TJP1: variants seen among roughly 807,000 people sequenced by gnomAD.
TJP1 encodes the protein tight junction protein ZO-1.
Under a neutral mutation model 194.2 loss-of-function variants are expected in TJP1, and 43 were observed. That is an observed-to-expected ratio of 0.22 (90% confidence interval 0.17 to 0.29). The LOEUF (loss-of-function observed/expected upper bound fraction) is 0.29. TJP1 is among the 10% of genes least tolerant of loss of function. TJP1 has a pLI of 1.00. For synonymous variants in TJP1, 801 were observed against 779.0 expected, an observed-to-expected ratio of 1.03 and a Z score of -0.47; for missense variants, 1,971 against 2,185.7, an observed-to-expected ratio of 0.90 and a Z score of 1.96.
chr15:29,968,522 G>T, intron 1 of TJP1: 1 of 808,912 alleles, frequency 1.2e-6, no homozygotes, highest in Non-Finnish European at 1.5e-6. Context: ...GCCCCGCGCG[G>T]CGCGCCCCGC....
In TJP1 at chr15:29,761,619, T is replaced by C. The variant is rs528917489; in HGVS notation, c.844A>G (p.Asn282Asp). Residue 282 changes from asparagine (N) to aspartate (D), a missense_variant, in exon 7 of 28, where the codon AAT becomes GAT. By Grantham distance (23) the Asn-to-Asp change is conservative (BLOSUM62 1). Transcript: ENST00000614355. The stretch of plus-strand genomic sequence containing the variant: ...CACTCACCGTCTCTCTCAGAGGCAT[T>C]AGCAGAGTGGATGCTGTCAGAAAGA... The part of the protein sequence containing the change: ...PDLSDSIHSA[N>D]ASERDDISEI... 6.2e-7 allele frequency: 1 copy of C among 1,604,482 alleles called. No homozygotes were observed. Among genetic ancestry groups the C allele is most frequent in the Non-Finnish European group, 8.5e-7 (1 of 1,172,338 alleles).
intron 20 of TJP1, 29 bp downstream of exon 20, chr15:29,719,748 A>C (rs1408284662): frequency 1.9e-6 from 3 of 1,589,734 alleles, no homozygotes; most frequent in Non-Finnish European, 2.6e-6. Flanking sequence ...GGACAGCAAC[A>C]AATTAGTGCA....
chr15:29,914,881 C>T (rs544297341), intron 2 of TJP1, among the ~76,000 whole-genome samples: 10 of 152,120 alleles, frequency 6.6e-5, no homozygotes, highest in African/African-American at 1.7e-4. Flanking sequence ...CACACACGCA[C>T]GCACACACAT....
chr15:29,813,445 C>T (rs2049674988), intron 1 of TJP1, among the ~76,000 whole-genome samples: 1 of 152,102 alleles, frequency 6.6e-6, no homozygotes, highest in Admixed American at 6.6e-5. Flanking sequence ...CAATAAAGTC[C>T]TCATACAATG....
At chr15:29,889,229 T>C (rs967809734) in intron 2 of TJP1, among the ~76,000 whole-genome samples, 8 of 152,242 alleles carry the variant, frequency 5.3e-5, no homozygotes, top group Non-Finnish European at 7.3e-5. Flanking sequence ...GAAAGACATA[T>C]CAGAAATTTA....
intron 8 of TJP1, among the ~76,000 whole-genome samples, chr15:29,749,147 TG>T (rs1314566502): frequency 2.7e-5 from 4 of 148,164 alleles, no homozygotes; most frequent in African/African-American, 1.0e-4. Flanking sequence ...GAGTTTCTGT[TG>T]TTTTTTTTTT....
intron 2 of TJP1, among the ~76,000 whole-genome samples, chr15:29,918,862 A>C (rs1567196126): frequency 6.6e-6 from 1 of 152,224 alleles, no homozygotes; most frequent in Admixed American, 6.5e-5. Flanking sequence ...ATCAATGAAG[A>C]TGGTCCAACA....
At chr15:29,882,255 T>A (rs1431484354) in intron 2 of TJP1, among the ~76,000 whole-genome samples, 1 of 152,126 alleles carries the variant, frequency 6.6e-6, no homozygotes, top group Non-Finnish European at 1.5e-5. Context: ...ATATGTTTTG[T>A]GTTTGTGCGT....
chr15:29,761,859 T>C (rs981979418), intron 6 of TJP1, 90 bp from the exon 7 acceptor site: 1 of 1,289,714 alleles, frequency 7.8e-7, no homozygotes, highest in Non-Finnish European at 1.0e-6. Context: ...TCCAAACCAC[T>C]CCTTGCTATG....
chr15:29,799,859 T>C (rs193094937), intron 2 of TJP1, among the ~76,000 whole-genome samples: 100 of 152,302 alleles, frequency 6.6e-4, no homozygotes, highest in African/African-American at 2.3e-3. Context: ...CTGGTAGAAA[T>C]AGTAAGTGTA....
chr15:29,846,899 C>T (rs1482837380), intron 2 of TJP1, among the ~76,000 whole-genome samples: 1 of 151,514 alleles, frequency 6.6e-6, no homozygotes, highest in Non-Finnish European at 1.5e-5. Context: ...GCACTCCAGC[C>T]TGGGCAACAA....
Position 29,719,878 on chromosome 15 carries a change from A to G in TJP1, c.2902T>C (p.Ser968Pro). The change falls in exon 20 of 28, where the codon TCA becomes CCA. Residue 968 changes from serine (S) to proline (P), a missense_variant. Ser to Pro is a moderately conservative substitution (Grantham distance 74, BLOSUM62 -1). This residue lies in a region of TJP1 where 1,108 missense variants were observed against 1,128.5 expected (regional missense o/e 0.98). Coordinates refer to ENST00000614355, the MANE Select transcript of TJP1 (RefSeq NM_001330239.4). ...EPTPAPSTSY[S>P]PQADSLRTPS... ...GTTCTTAAAGAATCAGCTTGTGGTG[A>G]GTAAGAGGTGGAAGGAGCTGGGGTG... 1 of 1,614,166 alleles carries G rather than the reference A, an allele frequency of 6.2e-7. No homozygotes were observed. Among genetic ancestry groups the G allele is most frequent in the Non-Finnish European group, 8.5e-7 (1 of 1,180,028 alleles).
intron 1 of TJP1, among the ~76,000 whole-genome samples, chr15:29,966,102 G>C (rs2056322626): frequency 6.6e-6 from 1 of 152,178 alleles, no homozygotes; most frequent in African/African-American, 2.4e-5. Context: ...GTTTTCAGAA[G>C]CAGAACCCCA....
chr15:29,930,873 T>A (rs1269128068), intron 2 of TJP1, among the ~76,000 whole-genome samples: 2 of 152,208 alleles, frequency 1.3e-5, no homozygotes, highest in Non-Finnish European at 2.9e-5. Flanking sequence ...TTCCTGGTTA[T>A]AACCTGAAAA....
intron 1 of TJP1, among the ~76,000 whole-genome samples, chr15:29,808,231 G>A (rs1376726687): frequency 6.6e-6 from 1 of 152,146 alleles, no homozygotes; most frequent in African/African-American, 2.4e-5. Context: ...TTGCACCACT[G>A]CACTCCAGCC....
intron 2 of TJP1, among the ~76,000 whole-genome samples, chr15:29,784,836 G>C (rs891721806): frequency 6.6e-6 from 1 of 152,096 alleles, no homozygotes; most frequent in African/African-American, 2.4e-5. Context: ...GTTAAATGAT[G>C]TAACAGCTAT....
intron 1 of TJP1, 99 bp from the exon 2 acceptor site, chr15:29,800,801 AAATTC>A: frequency 1.7e-6 from 2 of 1,167,310 alleles, no homozygotes; most frequent in Admixed American, 4.0e-5. Context: ...TGAAATACCA[AAATTC>A]ACAGTTAATA....
chr15:29,827,118 A>G (rs757454520), upstream of TJP1, among the ~76,000 whole-genome samples: 9 of 152,086 alleles, frequency 5.9e-5, no homozygotes, highest in Non-Finnish European at 8.8e-5. Flanking sequence ...GGGCAGTGTC[A>G]CTTTCTGTCT....
At chr15:29,813,113 C>A (rs1163034852) in intron 1 of TJP1, among the ~76,000 whole-genome samples, 1 of 152,102 alleles carries the variant, frequency 6.6e-6, no homozygotes, top group African/African-American at 2.4e-5. Context: ...TCATGTATTT[C>A]CCCTGATTGT....
Sources: allele counts gnomAD v4.1 joint callset (sites outside exome capture counted in the v4.1 genomes callset), GRCh38; gene constraint gnomAD v4.1.1; regional missense constraint gnomAD v4.1.1; transcripts MANE v1.5; gene names NCBI Gene and HGNC (gene_info 2026-07-23, HGNC 2026-07-21).